RIN2: variants seen among roughly 807,000 people sequenced by gnomAD.
RIN2 encodes RAB5 interacting protein 2.
Under a neutral mutation model 78.0 loss-of-function variants are expected in RIN2, and 36 were observed. The observed-to-expected ratio is 0.46, with a 90% CI of 0.35 to 0.61. The LOEUF is 0.61. Ranked by LOEUF, RIN2 falls within the 20% of genes least tolerant of loss-of-function variation. The pLI, the probability that RIN2 is intolerant of heterozygous loss-of-function variation, is 0.00. For synonymous variants in RIN2, 466 were observed against 466.8 expected (o/e 1.00, Z 0.02); for missense variants, 1,087 against 1,159.7 (o/e 0.94, Z 0.91).
chr20:19,766,843 C>T lies in RIN2; in HGVS notation c.-163+8516C>T, dbSNP rs569839247. 6.7e-5 allele frequency among the ~76,000 whole-genome samples: 10 copies of T among 149,992 alleles called. No homozygotes were observed. The East Asian group carries it at 1.8e-3, about 27-fold the overall frequency. On this transcript the variant is annotated intron_variant, in intron 1 of 12. Coordinates refer to ENST00000255006, the MANE Select transcript of RIN2 (RefSeq NM_018993.4). The stretch of plus-strand genomic sequence containing the variant: ...AAGAGAATTGCTTGAACCCGGGAGG[C>T]GGAGGTTGCAGTGAGCTGAGATCGC...
At position 19,996,828 on chromosome 20, in the gene RIN2, G is replaced by A; in HGVS notation, c.2350G>A (p.Val784Met). ...AACCACCAACCGGACCATCCCCTCT[G>A]TGGACGACTTCCAGGTGTGCAGCTG... ...RRTTNRTIPS[V>M]DDFQNYLRVA... is the part of the protein sequence containing the mutation. The change falls in exon 12 of 13, where the codon GTG (valine) becomes ATG (methionine). Residue 784 changes from valine to methionine, a missense_variant. Val to Met is a conservative substitution (Grantham distance 21, BLOSUM62 1). This residue lies in a region of RIN2 where 160 missense variants were observed against 179.4 expected (regional missense o/e 0.89). Coordinates refer to ENST00000255006, the MANE Select transcript of RIN2 (RefSeq NM_018993.4). 6.3e-7 allele frequency: 1 copy of A among 1,595,472 alleles called. No individual in the cohort carries two copies. Among genetic ancestry groups the A allele is most frequent in the Non-Finnish European group, 8.5e-7 (1 of 1,170,444 alleles).
chr20:19,949,924 C>T (rs2041247299), intron 4 of RIN2, among the ~76,000 whole-genome samples: 1 of 152,168 alleles, frequency 6.6e-6, no homozygotes, highest in African/African-American at 2.4e-5. Flanking sequence ...CCTTGTCTGC[C>T]TGGTTGTCCT....
rs570258793 is a variant in RIN2 at position 19,978,301 on chromosome 20, T to C, written c.1762+2514T>C. Among the ~76,000 whole-genome samples, 5 of 152,354 alleles carry C rather than the reference T, an allele frequency of 3.3e-5. No individual in the cohort carries two copies. In the South Asian group the frequency reaches 1.0e-3, roughly 32 times the overall value. On this transcript the variant is annotated intron_variant, in intron 9 of 12. Transcript: ENST00000255006. ...AAGGTAGGAGGAGATAATACACTGG[T>C]TTAATCCATGTATGTTAGAGCAGTC...
chr20:19,771,934 G>A (rs539752056), intron 1 of RIN2, among the ~76,000 whole-genome samples: 83 of 152,228 alleles, frequency 5.5e-4, no homozygotes, highest in African/African-American at 2.0e-3. Context: ...TTGCTCTGTT[G>A]CACAGAAACT....
At chr20:19,843,140 A>G (rs977080921) in intron 2 of RIN2, among the ~76,000 whole-genome samples, 9 of 152,232 alleles carry the variant, frequency 5.9e-5, no homozygotes, top group African/African-American at 2.2e-4. Context: ...ATGAGCAAAG[A>G]AAATCGTTTA....
rs1166520732 is a variant in RIN2 at position 19,844,655 on chromosome 20, T to C, written c.-37+44908T>C. On this transcript the variant is annotated intron_variant, in intron 2 of 12. Coordinates refer to ENST00000255006, the MANE Select transcript of RIN2 (RefSeq NM_018993.4). ...CTTCTTCTTCTTCTTCTTCTTCTTC[T>C]TCTTCTTCTTCTTCCTTCTTCTTCT... 1.0e-3 allele frequency among the ~76,000 whole-genome samples: 133 copies of C among 127,948 alleles called. 4 individuals are homozygous for C. The Middle Eastern group carries it at 0.023, about 22-fold the overall frequency. 83.9% of individuals were successfully genotyped at this position (127,948 alleles called of 152,430 possible).
rs373060422 is a variant in RIN2, at chr20:19,974,893, C to A, written c.868C>A (p.Arg290=). The change falls in exon 9 of 13, where the codon CGG becomes AGG. Residue 290 remains arginine, a synonymous_variant. Transcript: ENST00000255006. The stretch of plus-strand genomic sequence containing the variant: ...CCAGGACCTCAGTGGAGGCCTGAAA[C>A]GGCCGAGCACAAGGACTCCCAACGC... ...HSQDLSGGLK[R]PSTRTPNANG... 3.6e-4 allele frequency: 588 copies of A among 1,614,028 alleles called. 4 individuals carry two copies. Among genetic ancestry groups the A allele is most frequent in the Middle Eastern group, 2.8e-3 (17 of 6,062 alleles).
chr20:19,795,632 G>T (rs1311062951), intron 1 of RIN2, among the ~76,000 whole-genome samples: 1 of 152,132 alleles, frequency 6.6e-6, no homozygotes, highest in Non-Finnish European at 1.5e-5. Flanking sequence ...TTGAGATCCT[G>T]CACGTGACAG....
intron 3 of RIN2, among the ~76,000 whole-genome samples, chr20:19,903,034 C>T (rs558914654): frequency 2.6e-5 from 4 of 152,036 alleles, no homozygotes; most frequent in African/African-American, 7.2e-5. Context: ...CGGAGCGTGC[C>T]GTGAGCCGAG....
At chr20:19,866,575 A>G (rs2037513880) in intron 2 of RIN2, among the ~76,000 whole-genome samples, 1 of 152,186 alleles carries the variant, frequency 6.6e-6, no homozygotes, top group Admixed American at 6.5e-5. Context: ...TCAAGCTTTT[A>G]AAAAACATTA....
At chr20:19,772,334 T>C (rs554272966) in intron 1 of RIN2, among the ~76,000 whole-genome samples, 5 of 152,202 alleles carry the variant, frequency 3.3e-5, no homozygotes, top group African/African-American at 9.6e-5. Flanking sequence ...ACTTCTTCCG[T>C]TGTACCACTC....
intron 3 of RIN2, among the ~76,000 whole-genome samples, chr20:19,929,443 C>A (rs1053784640): frequency 6.6e-6 from 1 of 152,164 alleles, no homozygotes; most frequent in Non-Finnish European, 1.5e-5. Flanking sequence ...CTCACTGCAA[C>A]CTCTGCCTCC....
intron 2 of RIN2, among the ~76,000 whole-genome samples, chr20:19,815,389 T>G (rs10485593): frequency 0.42 from 64,504 of 152,004 alleles, 17,836 homozygotes; most frequent in African/African-American, 0.8. Flanking sequence ...TTTGAAATTA[T>G]GTCTAAAGCA....
At chr20:19,817,361 G>C (rs897931686) in intron 2 of RIN2, among the ~76,000 whole-genome samples, 2 of 152,138 alleles carry the variant, frequency 1.3e-5, no homozygotes, top group Non-Finnish European at 2.9e-5. Context: ...GTCCTCACTT[G>C]GCAGACGGGG....
Position 19,762,250 on chromosome 20 carries a change from T to C in RIN2, c.-163+3923T>C, listed in dbSNP as rs1240376828. ...TCAGAGTTTGCCTTCAATCTACTGTTAGAGCACCTTCCACAGACCAGTAAC... is the reference window on the plus strand; with the variant it reads ...TCAGAGTTTGCCTTCAATCTACTGTCAGAGCACCTTCCACAGACCAGTAAC... On this transcript the variant is annotated intron_variant, in intron 1 of 12. Coordinates refer to ENST00000255006, the MANE Select transcript of RIN2 (RefSeq NM_018993.4). Among the ~76,000 whole-genome samples the C allele has an allele frequency of 2.0e-5, 3 of 152,196 alleles. No homozygotes were observed. In the East Asian group the frequency reaches 5.8e-4, roughly 29 times the overall value.
chr20:19,854,267 G>C (rs967459391), intron 2 of RIN2, among the ~76,000 whole-genome samples: 9 of 152,236 alleles, frequency 5.9e-5, no homozygotes, highest in Non-Finnish European at 1.2e-4. Context: ...GTACCATGCT[G>C]TTTTGGTTAC....
chr20:19,839,626 T>A (rs2036523389), intron 2 of RIN2, among the ~76,000 whole-genome samples: 1 of 152,140 alleles, frequency 6.6e-6, no homozygotes, highest in African/African-American at 2.4e-5. Flanking sequence ...CTCTACCACC[T>A]CCCCCTGGAG....
At chr20:19,810,100 C>A (rs1268525071) in intron 2 of RIN2, among the ~76,000 whole-genome samples, 2 of 152,096 alleles carry the variant, frequency 1.3e-5, no homozygotes, top group African/African-American at 2.4e-5. Flanking sequence ...CCACAGGAGC[C>A]CAGAAGTGCC....
intron 2 of RIN2, among the ~76,000 whole-genome samples, chr20:19,818,404 A>G (rs1487019793): frequency 6.6e-6 from 1 of 152,226 alleles, no homozygotes; most frequent in African/African-American, 2.4e-5. Flanking sequence ...CTTGCATCAC[A>G]AGTTCTTAAA....
Sources: gnomAD v4.1 joint callset for allele counts (sites outside exome capture counted in the v4.1 genomes callset) on GRCh38, gnomAD v4.1.1 for gene constraint, gnomAD v4.1.1 regional missense constraint, MANE v1.5 for transcripts, NCBI Gene and HGNC (gene_info 2026-07-23, HGNC 2026-07-21) for gene names.